NUSAP1: variants seen among roughly 807,000 people sequenced by gnomAD.
The protein encoded by NUSAP1 is nucleolar and spindle associated protein 1.
A neutral mutation model predicts 52.8 loss-of-function variants in NUSAP1; 32 were observed. The observed-to-expected ratio is 0.61, with a 90% CI of 0.46 to 0.81. The LOEUF is 0.81. Ranked by LOEUF, NUSAP1 falls within the 40% of genes least tolerant of loss-of-function variation. The pLI is 0.00. For missense variants in NUSAP1, 499 were observed against 522.3 expected (o/e 0.96, Z 0.43); for synonymous variants, 195 against 183.1 (o/e 1.06, Z -0.52).
intron 1 of NUSAP1, among the ~76,000 whole-genome samples, chr15:41,336,659 T>TTTTGTTTGTTTG (rs1567036606): frequency 1.2e-4 from 18 of 147,944 alleles, no homozygotes; most frequent in Non-Finnish European, 2.2e-4. Context: ...TTTTTTTTTT[T>TTTTGTTTGTTTG]TTTTTTTTTT....
intron 6 of NUSAP1, among the ~76,000 whole-genome samples, chr15:41,358,798 A>G (rs899729346): frequency 6.6e-6 from 1 of 152,318 alleles, no homozygotes; most frequent in Middle Eastern, 3.4e-3. Context: ...ATGTCATTCT[A>G]CTTTCCATAT....
chr15:41,379,089 G>A (rs2050109591), intron 10 of NUSAP1, among the ~76,000 whole-genome samples: 1 of 151,142 alleles, frequency 6.6e-6, no homozygotes, highest in African/African-American at 2.4e-5. Context: ...GAGTAGCTGG[G>A]ATTACAGGTT....
chr15:41,365,660 A>G lies in NUSAP1; in HGVS notation c.848+71A>G, dbSNP rs2049372610. The G allele has an allele frequency of 3.5e-6, 4 of 1,152,578 alleles. No individual in the cohort carries two copies. The African/African-American group carries it at 6.3e-5, about 18-fold the overall frequency. 71.4% of individuals were successfully genotyped at this position (1,152,578 alleles called of 1,614,324 possible). A position where few individuals can be genotyped will look rare whatever the true frequency, so the allele number is the denominator to read the frequency against. Reference sequence around the variant, plus strand: ...GGACTATATAAAAAAAAAATTTTTAATTGGCAAATAATATTCGTACATACT... The same window carrying G: ...GGACTATATAAAAAAAAAATTTTTAGTTGGCAAATAATATTCGTACATACT... On this transcript the variant is annotated intron_variant, in intron 7 of 10. Coordinates refer to ENST00000559596, the MANE Select transcript of NUSAP1 (RefSeq NM_016359.5).
At chr15:41,338,324 C>G (rs1047123161) in intron 1 of NUSAP1, among the ~76,000 whole-genome samples, 10 of 152,086 alleles carry the variant, frequency 6.6e-5, no homozygotes, top group African/African-American at 2.4e-4. Context: ...GATGCTGACT[C>G]GTGTATTTAA....
At chr15:41,372,822 T>C (rs536432245) in intron 8 of NUSAP1, among the ~76,000 whole-genome samples, 1 of 152,310 alleles carries the variant, frequency 6.6e-6, no homozygotes, top group African/African-American at 2.4e-5. Flanking sequence ...ACGCAGTGGC[T>C]CTTGCCTGTA....
chr15:41,335,279 T>TAG (rs1188467257), intron 1 of NUSAP1, among the ~76,000 whole-genome samples: 1 of 143,420 alleles, frequency 7.0e-6, no homozygotes, highest in African/African-American at 2.6e-5. Context: ...ACTATATATA[T>TAG]TATTACTAGT....
intron 5 of NUSAP1, among the ~76,000 whole-genome samples, chr15:41,357,362 C>T (rs542851934): frequency 1.1e-3 from 167 of 151,876 alleles, no homozygotes; most frequent in Non-Finnish European, 1.7e-3. Flanking sequence ...AGCAAGACTC[C>T]GTCTCAAAAT....
rs775949981 is a variant in NUSAP1 at position 41,380,216 on chromosome 15, G to C, written c.*30G>C. ...TTTTTAACATCTTGTAAATATTCCT[G>C]TATTCTCAACTTTTTTCCTTTTGTA... On this transcript the variant is annotated 3_prime_UTR_variant, in exon 11 of 11. Coordinates refer to ENST00000559596, the MANE Select transcript of NUSAP1 (RefSeq NM_016359.5). 2.1e-6 allele frequency: 3 copies of C among 1,457,668 alleles called. No individual in the cohort carries two copies. The highest frequency in any genetic ancestry group is 2.8e-6 in the Non-Finnish European group (3 of 1,076,958). The allele number at this position is 1,457,668 out of a possible 1,614,324, so 90.3% of individuals were successfully genotyped here.
intron 1 of NUSAP1, among the ~76,000 whole-genome samples, chr15:41,336,959 G>A (rs898570160): frequency 6.4e-5 from 9 of 141,632 alleles, no homozygotes; most frequent in Non-Finnish European, 1.2e-4. Flanking sequence ...CTGCCTTATC[G>A]TTCAACCACC....
At chr15:41,378,944 G>GTGTTTTTTTTT (rs1753387103) in intron 10 of NUSAP1, among the ~76,000 whole-genome samples, 1 of 63,270 alleles carries the variant, frequency 1.6e-5, no homozygotes, top group African/African-American at 7.0e-5. Context: ...ACTTATCTTG[G>GTGTTTTTTTTT]TTTTTTTTTT....
At chr15:41,343,651 GC>G (rs2048447486) in intron 2 of NUSAP1, among the ~76,000 whole-genome samples, 1 of 151,738 alleles carries the variant, frequency 6.6e-6, no homozygotes, top group Admixed American at 6.6e-5. Flanking sequence ...ACCATGCCCG[GC>G]CCATTTTCTT....
intron 4 of NUSAP1, among the ~76,000 whole-genome samples, chr15:41,355,659 T>A (rs1270769582): frequency 1.3e-5 from 2 of 151,544 alleles, no homozygotes; most frequent in East Asian, 3.9e-4. Context: ...TACACACGTT[T>A]TTTTTTTTGT....
At position 41,377,624 on chromosome 15, in the gene NUSAP1, A is replaced by G. The variant is rs181666249; in HGVS notation, c.1232+320A>G. On this transcript the variant is annotated intron_variant, in intron 10 of 10. Transcript: ENST00000559596. ...TGAGGCAGGAGAATGGCGTGAACCC[A>G]GGAGGCAGAGCTTGCAGTGAGCCGA... Among the ~76,000 whole-genome samples, 58 of 146,336 alleles carry G rather than the reference A, an allele frequency of 4.0e-4. No individual in the cohort carries two copies. In the East Asian group the frequency reaches 4.3e-3, roughly 11 times the overall value.
intron 10 of NUSAP1, among the ~76,000 whole-genome samples, chr15:41,378,671 G>C (rs2050073154): frequency 6.6e-6 from 1 of 152,090 alleles, no homozygotes; most frequent in East Asian, 1.9e-4. Flanking sequence ...TCGGGAGGCT[G>C]AGGCAGCAGA....
intron 7 of NUSAP1, among the ~76,000 whole-genome samples, chr15:41,367,648 GAGACTTGGGTATTATT>G (rs548145785): frequency 1.6e-3 from 250 of 152,218 alleles, no homozygotes; most frequent in African/African-American, 4.7e-3. Flanking sequence ...TCCAAACTGG[GAGACTTGGGTATTATT>G]AGACTTGGGT....
In NUSAP1 at chr15:41,352,483, G is replaced by A. The variant is rs975898298; in HGVS notation, c.448+1354G>A. Among the ~76,000 whole-genome samples the A allele has an allele frequency of 2.6e-4, 40 of 152,008 alleles. 1 individual carries two copies. Among genetic ancestry groups the A allele is most frequent in the Non-Finnish European group, 1.8e-4 (12 of 68,012 alleles). On this transcript the variant is annotated intron_variant, in intron 4 of 10. Coordinates refer to ENST00000559596, the MANE Select transcript of NUSAP1 (RefSeq NM_016359.5). ...TCTCATTTTCCCTAAAACTTTGAGT[G>A]TCATACTGAATCTAGAAAATTACAG... is the stretch of plus-strand genomic sequence containing the variant.
At chr15:41,370,180 G>C (rs888237765) in intron 7 of NUSAP1, among the ~76,000 whole-genome samples, 2 of 151,614 alleles carry the variant, frequency 1.3e-5, no homozygotes, top group Non-Finnish European at 2.9e-5. Context: ...AGGAGATCGA[G>C]ACCATCCTGG....
At chr15:41,374,852 G>GT (rs1218325955) in intron 8 of NUSAP1, among the ~76,000 whole-genome samples, 1 of 150,636 alleles carries the variant, frequency 6.6e-6, no homozygotes, top group South Asian at 2.1e-4. Context: ...TGTTTCTTTT[G>GT]TTTTTTTGAG....
chr15:41,378,668 G>A (rs544997756), intron 10 of NUSAP1, among the ~76,000 whole-genome samples: 44 of 152,200 alleles, frequency 2.9e-4, no homozygotes, highest in African/African-American at 1.0e-3. Context: ...TACTCGGGAG[G>A]CTGAGGCAGC....
Sources: gnomAD v4.1 joint callset for allele counts (sites outside exome capture counted in the v4.1 genomes callset) on GRCh38, gnomAD v4.1.1 for gene constraint, MANE v1.5 for transcripts, NCBI Gene and HGNC (gene_info 2026-07-23, HGNC 2026-07-21) for gene names.